Variants in LARP7 observed in about 807,000 individuals in gnomAD.
The protein encoded by LARP7 is La ribonucleoprotein 7, transcriptional regulator.
LARP7 carries 52 observed loss-of-function variants against 69.3 expected under a neutral mutation model. The ratio of observed to expected loss-of-function variants is 0.75; its 90% CI spans 0.60 to 0.95. The LOEUF (loss-of-function observed/expected upper bound fraction) is 0.95. Among genes scored for constraint, LARP7 ranks in the 40% least tolerant of loss-of-function variants. LARP7 has a pLI of 0.00. For missense variants in LARP7, 733 were observed against 673.0 expected, an observed-to-expected ratio of 1.09 and a Z score of -0.99; for synonymous variants, 254 against 215.9, an observed-to-expected ratio of 1.18 and a Z score of -1.55.
Position 112,647,836 on chromosome 4 carries a change from T to C in LARP7, c.1142+2T>C, listed in dbSNP as rs2048394094. On this transcript the variant is annotated splice_donor_variant, in intron 8 of 12. Transcript: ENST00000344442. LOFTEE classifies it high-confidence loss of function. ...TATACCATTAAGAGTGCTATCAAAG[T>C]AAGTCTGTGGTTTAAATTCTGTCAT... The C allele has an allele frequency of 6.3e-7, 1 of 1,577,208 alleles. No homozygotes were observed. The highest frequency in any genetic ancestry group is 1.4e-5 in the African/African-American group (1 of 70,424).
intron 1 of LARP7, among the ~76,000 whole-genome samples, chr4:112,640,248 T>C (rs2047908647): frequency 6.6e-6 from 1 of 152,218 alleles, no homozygotes. Flanking sequence ...CTATTTGTAT[T>C]TTATTTACAT....
At chr4:112,647,634 T>C in intron 7 of LARP7, 56 bp from the exon 8 acceptor site, 2 of 1,494,876 alleles carry the variant, frequency 1.3e-6, no homozygotes, top group Non-Finnish European at 8.9e-7. Context: ...TTGGCTTCTG[T>C]TTCACCCATT....
At chr4:112,645,599 C>T in intron 2 of LARP7, 1 of 453,410 alleles carries the variant, frequency 2.2e-6, no homozygotes, top group Non-Finnish European at 4.4e-6. Flanking sequence ...TCTGCCCCCA[C>T]CTCCACCCCC....
chr4:112,648,157 T>C (rs557059739), intron 8 of LARP7: 8 of 519,660 alleles, frequency 1.5e-5, no homozygotes, highest in Admixed American at 1.4e-4. Flanking sequence ...TCTAAAAAAA[T>C]AATAAAAATG....
rs921664262 is a variant in LARP7, at chr4:112,647,772, G to C, written c.1080G>C (p.Lys360Asn). Reference sequence around the variant, plus strand: ...TCTTGAAAACAAAAAGGAAACATAAGAAAAAACATAAAGAGAGACATAAAA... The same window carrying C: ...TCTTGAAAACAAAAAGGAAACATAACAAAAAACATAAAGAGAGACATAAAA... The part of the protein sequence containing the change: ...SSLLKTKRKH[K>N]KKHKERHKMG... Residue 360 changes from lysine to asparagine, a missense_variant, in exon 8 of 13, where the codon AAG (lysine) becomes AAC (asparagine). Lys to Asn is a moderately conservative substitution (Grantham distance 94, BLOSUM62 0). Coordinates refer to ENST00000344442, the MANE Select transcript of LARP7 (RefSeq NM_016648.4). The C allele has an allele frequency of 6.3e-7, 1 of 1,580,506 alleles. No homozygotes were observed. Among genetic ancestry groups the C allele is most frequent in the Non-Finnish European group, 8.6e-7 (1 of 1,163,256 alleles).
At chr4:112,641,452 C>T (rs79156894) in intron 1 of LARP7, among the ~76,000 whole-genome samples, 24,441 of 151,416 alleles carry the variant, frequency 0.16, 2,303 homozygotes, top group East Asian at 0.43. Flanking sequence ...ATCTGATTTA[C>T]ATATTTAAAT....
At position 112,647,545 on chromosome 4, in the gene LARP7, T is replaced by C. The variant is rs377090014; in HGVS notation, c.993T>C (p.Asn331=). Residue 331 remains asparagine (N), a synonymous_variant, in exon 7 of 13, where the codon AAT becomes AAC. Coordinates refer to ENST00000344442, the MANE Select transcript of LARP7 (RefSeq NM_016648.4). ...AAGCATCAGAAGCTTCCAAGGAAAA[T>C]AGAGGTAAAACTACAAGGTTTTAAT... is the stretch of plus-strand genomic sequence containing the variant. ...IKEASEASKE[N]RDIEISTEEE... 45 of 1,594,202 alleles carry C rather than the reference T, an allele frequency of 2.8e-5. No homozygotes were observed. The highest frequency in any genetic ancestry group is 3.4e-5 in the Non-Finnish European group (40 of 1,172,280).
rs749662507 is a variant in LARP7, at chr4:112,646,814, T to A, written c.411T>A (p.Asn137Lys). 4 of 1,590,566 alleles carry A rather than the reference T, an allele frequency of 2.5e-6. No individual in the cohort carries two copies. In the Admixed American group the frequency reaches 7.4e-5, roughly 30 times the overall value. The change falls in exon 5 of 13, where the codon AAT becomes AAA. Residue 137 changes from asparagine (N) to lysine (K), a missense_variant. Asn to Lys is a moderately conservative substitution (Grantham distance 94). Coordinates refer to ENST00000344442, the MANE Select transcript of LARP7 (RefSeq NM_016648.4). Reference protein sequence around the residue: ...VYVELLPKNVNHSWIERVFGK... With the variant: ...VYVELLPKNVKHSWIERVFGK... ...AGGAGTTACTTCCCAAAAATGTTAA[T>A]CACAGCTGGATTGAAAGAGTATTTG...
At chr4:112,654,039 A>T in intron 11 of LARP7, 29 bp from the exon 12 acceptor site, 1 of 1,501,484 alleles carries the variant, frequency 6.7e-7, no homozygotes, top group Non-Finnish European at 9.3e-7. Flanking sequence ...TCTTCTTTTC[A>T]TCCATCAGAG....
intron 2 of LARP7, 34 bp downstream of exon 2, chr4:112,644,905 G>A: frequency 1.0e-6 from 1 of 973,340 alleles, no homozygotes; most frequent in African/African-American, 1.7e-5. Context: ...CCAATTTTTA[G>A]ATATGGTTGC....
In LARP7 at chr4:112,654,106, G is replaced by A; in HGVS notation, c.1615G>A (p.Asp539Asn). 1 of 1,613,906 alleles carries A rather than the reference G, an allele frequency of 6.2e-7. No individual in the cohort carries two copies. Among genetic ancestry groups the A allele is most frequent in the Non-Finnish European group, 8.5e-7 (1 of 1,179,866 alleles). ...AAGGTATTGGCAGAAGATTTTGGTT[G>A]ATAGACAGGCAAAACTTAATCAGCC... Reference protein sequence around the residue: ...EQRYWQKILVDRQAKLNQPRE... With the variant: ...EQRYWQKILVNRQAKLNQPRE... Residue 539 changes from aspartate to asparagine, a missense_variant, in exon 12 of 13, where the codon GAT becomes AAT. Asp to Asn is a conservative substitution (Grantham distance 23, BLOSUM62 1). Transcript: ENST00000344442.
rs570445594 is a variant in LARP7 at position 112,644,730 on chromosome 4, AAAG to A, written c.65_67del (p.Glu22del). 7,107 of 1,611,350 alleles carry A rather than the reference AAAG, an allele frequency of 4.4e-3. 21 individuals are homozygous for A. The highest frequency in any genetic ancestry group is 5.5e-3 in the Non-Finnish European group (6,523 of 1,178,232). On this transcript the variant is annotated inframe_deletion, in exon 2 of 13. Coordinates refer to ENST00000344442, the MANE Select transcript of LARP7 (RefSeq NM_016648.4). ...GGAAGAAGAAAGCACTGAAAAGAAA[AAAG>A]AAGTTGAAAAAAAGAAACGGTCACG...
chr4:112,647,913 A>T (rs2048403468), intron 8 of LARP7, 79 bp downstream of exon 8: 1 of 1,045,636 alleles, frequency 9.6e-7, no homozygotes, highest in South Asian at 1.3e-5. Flanking sequence ...TTTATATTCA[A>T]CAGAGTTGCA....
intron 8 of LARP7, chr4:112,648,601 T>C (rs2048515284): frequency 4.3e-6 from 2 of 467,558 alleles, no homozygotes; most frequent in African/African-American, 4.0e-5. Context: ...TATTTAGAGC[T>C]GAGGAGAAAG....
chr4:112,649,518 C>T lies in LARP7; in HGVS notation c.1143-17C>T, dbSNP rs1432208514. ...TTTATATTTAGTCATCTGTTATCACCATTTCTTTCCTTGTAGGAGCGAATG... is the reference window on the plus strand; with the variant it reads ...TTTATATTTAGTCATCTGTTATCACTATTTCTTTCCTTGTAGGAGCGAATG... On this transcript the variant is annotated splice_polypyrimidine_tract_variant and intron_variant, in intron 8 of 12. Transcript: ENST00000344442. 5 of 1,575,074 alleles carry T rather than the reference C, an allele frequency of 3.2e-6. No individual in the cohort carries two copies. Among genetic ancestry groups the T allele is most frequent in the South Asian group, 2.3e-5 (2 of 85,682 alleles).
Position 112,654,220 on chromosome 4 carries a change from C to G in LARP7, c.1668+61C>G, listed in dbSNP as rs2048869843. 7.1e-6 allele frequency: 8 copies of G among 1,132,682 alleles called. No individual in the cohort carries two copies. The South Asian group carries it at 1.0e-4, about 14-fold the overall frequency. The allele number at this position is 1,132,682 out of a possible 1,614,324, so 70.2% of individuals were successfully genotyped here. A position where few individuals can be genotyped will look rare whatever the true frequency, so the allele number is the denominator to read the frequency against. On this transcript the variant is annotated intron_variant, in intron 12 of 12. Coordinates refer to ENST00000344442, the MANE Select transcript of LARP7 (RefSeq NM_016648.4). Reference sequence around the variant, plus strand: ...TTCCTTGAACGTTTAATGCCAAAGTCAGTACTAGGTAGTCATAAAATGATC... The same window carrying G: ...TTCCTTGAACGTTTAATGCCAAAGTGAGTACTAGGTAGTCATAAAATGATC...
At chr4:112,648,897 A>G (rs1396887999) in intron 8 of LARP7, among the ~76,000 whole-genome samples, 8 of 149,616 alleles carry the variant, frequency 5.3e-5, no homozygotes, top group Admixed American at 1.3e-4. Flanking sequence ...TAACAGCTAA[A>G]ACCATTACCA....
chr4:112,653,302 G>T (rs1231632274), intron 11 of LARP7, 66 bp downstream of exon 11: 11 of 1,336,034 alleles, frequency 8.2e-6, no homozygotes, highest in Non-Finnish European at 1.1e-5. Flanking sequence ...TATATTTTCT[G>T]AGTTTGGCTA....
At chr4:112,648,062 A>G (rs777290469) in intron 8 of LARP7, 2 of 636,802 alleles carry the variant, frequency 3.1e-6, no homozygotes, top group Admixed American at 1.8e-5. Flanking sequence ...CCTCCATGTT[A>G]AAGTAGAGGG....
Sources: gnomAD v4.1 joint callset for allele counts (sites outside exome capture counted in the v4.1 genomes callset) on GRCh38, gnomAD v4.1.1 for gene constraint, MANE v1.5 for transcripts, NCBI Gene and HGNC (gene_info 2026-07-23, HGNC 2026-07-21) for gene names.